The following FMR1NB variants were observed in gnomAD, a reference collection of about 807,000 sequenced individuals.
The protein encoded by FMR1NB is FMR1 neighbor protein.
FMR1NB carries 10 observed loss-of-function variants against 16.8 expected under a neutral mutation model. That is an observed-to-expected ratio of 0.60 (90% CI 0.37 to 1.01). FMR1NB has a LOEUF of 1.01. FMR1NB is among the 50% of genes least tolerant of loss of function. The pLI is 0.01. For missense variants in FMR1NB, 205 were observed against 204.8 expected, an observed-to-expected ratio of 1.00 and a Z score of 0.00; for synonymous variants, 83 against 79.1, an observed-to-expected ratio of 1.05 and a Z score of -0.26.
rs1242450634 is a variant in FMR1NB, at chrX:148,008,455, C to T, written c.539-163C>T. On this transcript the variant is annotated intron_variant, in intron 3 of 5. Transcript: ENST00000370467. ...GTATTTCAAGAACATTTCATGAACT[C>T]CTGTTCCTTATAAAGTAGCAAGGAT... Among the ~76,000 whole-genome samples the T allele has an allele frequency of 3.6e-5, 4 of 112,160 alleles. No homozygotes were observed. The East Asian group carries it at 1.1e-3, about 31-fold the overall frequency.
intron 2 of FMR1NB, among the ~76,000 whole-genome samples, 197 bp downstream of exon 2, chrX:148,003,517 C>T (rs1557188823): frequency 2.7e-5 from 3 of 112,117 alleles, no homozygotes; most frequent in African/African-American, 9.7e-5. Flanking sequence ...AGATATTTAC[C>T]ACAAAGAATT....
intron 1 of FMR1NB, among the ~76,000 whole-genome samples, chrX:147,996,596 G>C (rs1330447392): frequency 1.8e-5 from 2 of 110,204 alleles, no homozygotes; most frequent in African/African-American, 3.3e-5. Context: ...GGATGGGGGG[G>C]GCGGGGGCAA....
chrX:148,019,165 A>G (rs923725167), intron 4 of FMR1NB, among the ~76,000 whole-genome samples: 1 of 112,099 alleles, frequency 8.9e-6, no homozygotes, highest in Non-Finnish European at 1.9e-5. Flanking sequence ...TGTTTATTCT[A>G]CTTGATCAAT....
Position 147,992,875 on chromosome X carries a change from C to T in FMR1NB, c.278-10326C>T, listed in dbSNP as rs1356059212. On this transcript the variant is annotated intron_variant, in intron 1 of 5. Coordinates refer to ENST00000370467, the MANE Select transcript of FMR1NB (RefSeq NM_152578.3). The stretch of plus-strand genomic sequence containing the variant: ...AGATGTGATGGCGGCTGGGAAGAGG[C>T]GCTCCTCACTTCCTAGATGGGATGG... Among the ~76,000 whole-genome samples the T allele has an allele frequency of 1.3e-3, 120 of 89,365 alleles. 1 individual carries two copies. The highest frequency in any genetic ancestry group is 4.7e-3 in the Admixed American group (41 of 8,810). The allele number at this position is 89,365 out of a possible 115,157, so 77.6% of individuals were successfully genotyped here. A position where few individuals can be genotyped will look rare whatever the true frequency, so the allele number is the denominator to read the frequency against.
rs781925176 is a variant in FMR1NB, at chrX:147,991,912, C to T, written c.277+10233C>T. ...CTGTTTAACAAAGCACATCTTGCAC[C>T]GCCCTTAATCCATTTAACCCTGAGT... On this transcript the variant is annotated intron_variant, in intron 1 of 5. Transcript: ENST00000370467. Among the ~76,000 whole-genome samples the T allele has an allele frequency of 4.9e-3, 530 of 108,669 alleles. 2 individuals are homozygous for T. Among genetic ancestry groups the T allele is most frequent in the African/African-American group, 0.016 (488 of 29,673 alleles). The allele number at this position is 108,669 out of a possible 115,157, so 94.4% of individuals were successfully genotyped here.
chrX:148,019,682 G>GA (rs1242168284), intron 4 of FMR1NB, among the ~76,000 whole-genome samples: 3 of 111,805 alleles, frequency 2.7e-5, no homozygotes. Context: ...ATGATCTTGG[G>GA]AAAAAAACCA....
chrX:148,013,610 A>G (rs2044635789), intron 4 of FMR1NB, among the ~76,000 whole-genome samples: 1 of 112,325 alleles, frequency 8.9e-6, no homozygotes, highest in African/African-American at 3.2e-5. Context: ...TAACAAAATT[A>G]TAGTAGAGAC....
In FMR1NB at chrX:147,981,433, A is replaced by C; in HGVS notation, c.31A>C (p.Arg11=). 2 of 1,210,589 alleles carry C rather than the reference A, an allele frequency of 1.7e-6. No homozygotes were observed. The highest frequency in any genetic ancestry group is 2.2e-6 in the Non-Finnish European group (2 of 894,937). The part of the protein sequence containing the change: MSSHRRKAKG[R]NRRSHRAMRV... ...TTCACATAGGAGGAAAGCGAAGGGG[A>C]GGAATAGGAGAAGTCACCGTGCCAT... Residue 11 remains arginine, a synonymous_variant, in exon 1 of 6, where the codon AGG becomes CGG. Transcript: ENST00000370467.
At chrX:147,989,195 CT>C (rs1236487499) in intron 1 of FMR1NB, among the ~76,000 whole-genome samples, 1 of 111,872 alleles carries the variant, frequency 8.9e-6, no homozygotes, top group African/African-American at 3.3e-5. Context: ...TGTGGGGGTT[CT>C]TTTTGCTGAT....
In FMR1NB at chrX:148,012,031, T is replaced by C. The variant is rs782284246; in HGVS notation, c.632+3320T>C. 9.8e-5 allele frequency among the ~76,000 whole-genome samples: 11 copies of C among 112,043 alleles called. No individual in the cohort carries two copies. In the South Asian group the frequency reaches 3.7e-3, roughly 38 times the overall value. ...GAAATTTATTGTGTCCTTAAGGTTA[T>C]GTAAGATCTATTTTTATCCTCAATA... On this transcript the variant is annotated intron_variant, in intron 4 of 5. Coordinates refer to ENST00000370467, the MANE Select transcript of FMR1NB (RefSeq NM_152578.3).
At chrX:148,024,501 T>C (rs1183013604) in intron 4 of FMR1NB, among the ~76,000 whole-genome samples, 2 of 110,354 alleles carry the variant, frequency 1.8e-5, no homozygotes, top group African/African-American at 6.6e-5. Flanking sequence ...TTGAAGTTCA[T>C]AGGAGGAAGG....
intron 1 of FMR1NB, among the ~76,000 whole-genome samples, chrX:147,993,393 G>T (rs1042789410): frequency 1.2e-5 from 1 of 83,104 alleles, no homozygotes; most frequent in Non-Finnish European, 2.2e-5. Flanking sequence ...GAGGGAGACC[G>T]TGGGGAGAGG....
At chrX:148,015,008 T>C (rs1557190008) in intron 4 of FMR1NB, among the ~76,000 whole-genome samples, 1 of 111,614 alleles carries the variant, frequency 9.0e-6, no homozygotes, top group Non-Finnish European at 1.9e-5. Context: ...CGTTACTTGT[T>C]ATTGGTCTAT....
rs782081971 is a variant in FMR1NB at position 148,013,497 on chromosome X, G to A, written c.632+4786G>A. Among the ~76,000 whole-genome samples, 13 of 112,002 alleles carry A rather than the reference G, an allele frequency of 1.2e-4. No homozygotes were observed. In the South Asian group the frequency reaches 4.5e-3, roughly 39 times the overall value. On this transcript the variant is annotated intron_variant, in intron 4 of 5. Transcript: ENST00000370467. Reference sequence around the variant, plus strand: ...GCCTTACTCCCATTTATCAGAAAATGTTAGAAATATATAGTAGGAAGAACA... The same window carrying A: ...GCCTTACTCCCATTTATCAGAAAATATTAGAAATATATAGTAGGAAGAACA...
At chrX:148,011,036 C>A (rs1183762603) in intron 4 of FMR1NB, among the ~76,000 whole-genome samples, 1 of 110,785 alleles carries the variant, frequency 9.0e-6, no homozygotes, top group Non-Finnish European at 1.9e-5. Context: ...GAGGCCAAGG[C>A]GGGCAGATCA....
In FMR1NB at chrX:148,012,118, G is replaced by C. The variant is rs140561382; in HGVS notation, c.632+3407G>C. On this transcript the variant is annotated intron_variant, in intron 4 of 5. Coordinates refer to ENST00000370467, the MANE Select transcript of FMR1NB (RefSeq NM_152578.3). ...TAGGCTTAAGCCTTTGCTTAGAGGA[G>C]AAGGAAGGAAAAGATCAAGTGGATA... Among the ~76,000 whole-genome samples, 276 of 111,449 alleles carry C rather than the reference G, an allele frequency of 2.5e-3. 1 individual carries two copies. Among genetic ancestry groups the C allele is most frequent in the Middle Eastern group, 0.019 (4 of 211 alleles).
intron 4 of FMR1NB, among the ~76,000 whole-genome samples, chrX:148,016,395 A>G (rs782039279): frequency 9.0e-6 from 1 of 111,168 alleles, no homozygotes; most frequent in African/African-American, 3.3e-5. Flanking sequence ...TCTCATTTTT[A>G]TATCCATTCA....
At chrX:147,996,903 G>T (rs1041168910) in intron 1 of FMR1NB, among the ~76,000 whole-genome samples, 4 of 112,072 alleles carry the variant, frequency 3.6e-5, no homozygotes, top group African/African-American at 1.3e-4. Context: ...AATTTAAAAG[G>T]CTGACTCCTA....
At chrX:148,012,976 GAAATA>G (rs1557189767) in intron 4 of FMR1NB, among the ~76,000 whole-genome samples, 1 of 111,801 alleles carries the variant, frequency 8.9e-6, no homozygotes, top group Non-Finnish European at 1.9e-5. Context: ...TCAGAGGAAG[GAAATA>G]AAATCTATAA....
Sources: allele counts gnomAD v4.1 joint callset (sites outside exome capture counted in the v4.1 genomes callset), GRCh38; gene constraint gnomAD v4.1.1; transcripts MANE v1.5; gene names NCBI Gene and HGNC (gene_info 2026-07-23, HGNC 2026-07-21).